KIF26B: variants seen among roughly 807,000 people sequenced by gnomAD.
KIF26B encodes kinesin-like protein KIF26B.
Under a neutral mutation model 151.2 loss-of-function variants are expected in KIF26B, and 63 were observed. The observed-to-expected ratio is 0.42, with a 90% confidence interval of 0.34 to 0.51. The LOEUF (loss-of-function observed/expected upper bound fraction) is 0.51, where lower values mean the gene tolerates loss of function less well. Among genes scored for constraint, KIF26B ranks in the 20% least tolerant of loss-of-function variants. The pLI is 0.07. For missense variants in KIF26B, 2,813 were observed against 2,913.6 expected (o/e 0.97, Z 0.79); for synonymous variants, 1,357 against 1,262.1 (o/e 1.08, Z -1.59).
intron 3 of KIF26B, among the ~76,000 whole-genome samples, chr1:245,378,141 G>A (rs974020723): frequency 2.0e-5 from 3 of 152,110 alleles, no homozygotes; most frequent in Non-Finnish European, 4.4e-5. Flanking sequence ...GGGGAGCCTT[G>A]TTCCTTCTCT....
At chr1:245,217,732 G>A (rs1056352107) in intron 2 of KIF26B, among the ~76,000 whole-genome samples, 1 of 151,766 alleles carries the variant, frequency 6.6e-6, no homozygotes, top group Admixed American at 6.6e-5. Context: ...CACGATACCC[G>A]CCTTGCTCGC....
intron 4 of KIF26B, among the ~76,000 whole-genome samples, chr1:245,485,201 G>T (rs1028039877): frequency 1.3e-5 from 2 of 152,124 alleles, no homozygotes; most frequent in Admixed American, 6.5e-5. Flanking sequence ...ATTACCAGGG[G>T]ATGTGGGGAG....
chr1:245,229,396 T>G (rs1306640787), intron 2 of KIF26B, among the ~76,000 whole-genome samples: 1 of 152,050 alleles, frequency 6.6e-6, no homozygotes, highest in South Asian at 2.1e-4. Flanking sequence ...CTGCCTGGAG[T>G]GATGAGGGTA....
At chr1:245,521,888 T>C (rs993371570) in intron 4 of KIF26B, among the ~76,000 whole-genome samples, 132 of 150,546 alleles carry the variant, frequency 8.8e-4, no homozygotes, top group Admixed American at 2.8e-3. Flanking sequence ...TGTTTTGAGA[T>C]GGAGTCTTGC....
intron 4 of KIF26B, among the ~76,000 whole-genome samples, chr1:245,441,097 A>C (rs530243235): frequency 6.6e-6 from 1 of 152,318 alleles, no homozygotes; most frequent in South Asian, 2.1e-4. Context: ...GTGGAATTTC[A>C]AAGTTACTGC....
chr1:245,285,832 A>T (rs189397037), intron 2 of KIF26B, among the ~76,000 whole-genome samples: 192 of 151,808 alleles, frequency 1.3e-3, no homozygotes, highest in African/African-American at 4.3e-3. Context: ...AAAAATTTTT[A>T]AAAATGAAAA....
intron 2 of KIF26B, among the ~76,000 whole-genome samples, chr1:245,275,026 G>A (rs781472807): frequency 5.9e-5 from 9 of 152,174 alleles, no homozygotes; most frequent in South Asian, 2.1e-4. Flanking sequence ...TCTAACTGGC[G>A]TGAGATGGTA....
intron 2 of KIF26B, among the ~76,000 whole-genome samples, chr1:245,251,877 A>G (rs901697809): frequency 6.6e-6 from 1 of 152,168 alleles, no homozygotes; most frequent in Non-Finnish European, 1.5e-5. Flanking sequence ...CCAAAAATAT[A>G]TATATATGGT....
chr1:245,661,085 C>A (rs1572184379), intron 10 of KIF26B, among the ~76,000 whole-genome samples: 2 of 150,954 alleles, frequency 1.3e-5, no homozygotes, highest in East Asian at 4.0e-4. Flanking sequence ...CTTCTGGGTT[C>A]AAGTGATTCT....
chr1:245,191,896 C>T (rs1318613850), intron 2 of KIF26B, among the ~76,000 whole-genome samples: 1 of 152,116 alleles, frequency 6.6e-6, no homozygotes, highest in African/African-American at 2.4e-5. Flanking sequence ...CAGTAAGCTA[C>T]CATTTTTGAT....
chr1:245,379,078 C>T (rs1174004), intron 3 of KIF26B, among the ~76,000 whole-genome samples: 101,270 of 152,138 alleles, frequency 0.67, 34,439 homozygotes, highest in African/African-American at 0.81. Context: ...GAGCCAGTGG[C>T]AGATGAAAAG....
intron 3 of KIF26B, among the ~76,000 whole-genome samples, chr1:245,398,307 C>A (rs1008074510): frequency 1.3e-5 from 2 of 152,158 alleles, no homozygotes; most frequent in Non-Finnish European, 2.9e-5. Context: ...GGTCCCTTGA[C>A]CCCCGATAAA....
Position 245,609,524 on chromosome 1 carries a change from C to T in KIF26B, c.1910C>T (p.Thr637Met), listed in dbSNP as rs149117112. Reference protein sequence around the residue: ...VYLCEDPICGTQLQNQSELRA... With the variant: ...VYLCEDPICGMQLQNQSELRA... ...CTCTGTGAGGACCCCATCTGCGGCA[C>T]GCAGGTGATTGCTTCTGAAGCCTGG... The change falls in exon 8 of 15, where the codon ACG (threonine) becomes ATG (methionine). Residue 637 changes from threonine to methionine, a missense_variant. Around this residue, in one of 3 missense-constraint regions of KIF26B, gnomAD observed 2,060 missense variants for 2,088.6 expected, o/e 0.99. Coordinates refer to ENST00000407071, the MANE Select transcript of KIF26B (RefSeq NM_018012.4). The T allele has an allele frequency of 5.8e-4, 898 of 1,540,752 alleles. 1 individual carries two copies. In the African/African-American group the frequency reaches 0.011, roughly 18 times the overall value.
chr1:245,431,882 G>A (rs921877937), intron 4 of KIF26B, among the ~76,000 whole-genome samples: 3 of 152,126 alleles, frequency 2.0e-5, no homozygotes, highest in African/African-American at 7.2e-5. Flanking sequence ...AAGGCTCTGT[G>A]CACACCATCT....
In KIF26B at chr1:245,184,050, G is replaced by GTTTGTTTTTTTTTTTTTTTTTTTTTT. The variant is rs1668954964; in HGVS notation, c.465+27370_465+27371insGTTTTTTTTTTTTTTTTTTTTTTTTT. Among the ~76,000 whole-genome samples, 9 of 19,808 alleles carry GTTTGTTTTTTTTTTTTTTTTTTTTTT rather than the reference G, an allele frequency of 4.5e-4. 1 individual carries two copies. Among genetic ancestry groups the GTTTGTTTTTTTTTTTTTTTTTTTTTT allele is most frequent in the African/African-American group, 9.1e-4 (6 of 6,610 alleles). 13.0% of individuals were successfully genotyped at this position (19,808 alleles called of 152,430 possible). A position where few individuals can be genotyped will look rare whatever the true frequency, so the allele number is the denominator to read the frequency against. On this transcript the variant is annotated intron_variant, in intron 2 of 14. Transcript: ENST00000407071. Reference sequence around the variant, plus strand: ...GCAACAGGTATGGGTGGGAGTTGTTGTTTTTTTTTTTTTTTTTTTGAGCTT... The same window carrying GTTTGTTTTTTTTTTTTTTTTTTTTTT: ...GCAACAGGTATGGGTGGGAGTTGTTGTTTGTTTTTTTTTTTTTTTTTTTTTTTTTTTTTTTTTTTTTTTTTGAGCTT...
intron 2 of KIF26B, among the ~76,000 whole-genome samples, chr1:245,240,831 G>A (rs1041652283): frequency 2.0e-5 from 3 of 152,186 alleles, no homozygotes; most frequent in African/African-American, 7.2e-5. Flanking sequence ...TGGGCCAGGT[G>A]GCTCAGGGAG....
At chr1:245,204,762 C>T (rs945699651) in intron 2 of KIF26B, among the ~76,000 whole-genome samples, 1 of 151,970 alleles carries the variant, frequency 6.6e-6, no homozygotes, top group Non-Finnish European at 1.5e-5. Context: ...TTTAGTTTTT[C>T]CAGGGCTTTA....
chr1:245,521,981 T>C (rs934068884), intron 4 of KIF26B, among the ~76,000 whole-genome samples: 5 of 151,684 alleles, frequency 3.3e-5, no homozygotes, highest in Admixed American at 2.6e-4. Context: ...GCCATTCTCC[T>C]GCCTCAGCCT....
rs2044514966 is a variant in KIF26B, at chr1:245,686,190, C to T, written c.3207C>T (p.Gly1069=). The T allele has an allele frequency of 6.2e-7, 1 of 1,612,332 alleles. No individual in the cohort carries two copies. The highest frequency in any genetic ancestry group is 1.3e-5 in the African/African-American group (1 of 74,940). Residue 1069 remains glycine, a synonymous_variant, in exon 12 of 15, where the codon GGC becomes GGT. Transcript: ENST00000407071. This position sits in a 1 kb window ranked among gnomAD's most constrained non-coding sequence, Gnocchi z 5.6. ...KPRPMGSPRL[G]IASLSKTSEY... ...GGCCCATGGGCTCCCCCCGGCTGGG[C>T]ATCGCCAGCCTGTCCAAGACCTCGG...
Sources: gnomAD v4.1 joint callset for allele counts (sites outside exome capture counted in the v4.1 genomes callset) on GRCh38, gnomAD v4.1.1 for gene constraint, gnomAD v4.1.1 regional missense constraint, Gnocchi (gnomAD v3.1) non-coding constraint, MANE v1.5 for transcripts, NCBI Gene and HGNC (gene_info 2026-07-23, HGNC 2026-07-21) for gene names.